Variants in OAS1 observed in about 807,000 individuals in gnomAD.
The protein encoded by OAS1 is 2'-5'-oligoadenylate synthase 1.
In OAS1, 24 loss-of-function variants were observed where a neutral mutation model predicts 38.5. That is an observed-to-expected ratio of 0.62 (90% CI 0.45 to 0.88). The LOEUF (loss-of-function observed/expected upper bound fraction) is 0.88. Ranked by LOEUF, OAS1 falls within the 40% of genes least tolerant of loss-of-function variation. The pLI is 0.00. For synonymous variants in OAS1, 169 were observed against 193.9 expected, an observed-to-expected ratio of 0.87 and a Z score of 1.07; for missense variants, 482 against 493.9, an observed-to-expected ratio of 0.98 and a Z score of 0.23.
chr12:112,919,829 A>G lies in OAS1; in HGVS notation c.*276A>G. Reference sequence around the variant, plus strand: ...ATAAGAGAATGAAATTCCAGCCTTGACTTTCTTCTGTGCACCTGATGGGAG... The same window carrying G: ...ATAAGAGAATGAAATTCCAGCCTTGGCTTTCTTCTGTGCACCTGATGGGAG... On this transcript the variant is annotated 3_prime_UTR_variant, in exon 6 of 6. Transcript: ENST00000202917. The G allele has an allele frequency of 1.6e-6, 2 of 1,244,454 alleles. No homozygotes were observed. The allele number at this position is 1,244,454 out of a possible 1,614,324, so 77.1% of individuals were successfully genotyped here.
chr12:112,919,278 C>G, intron 5 of OAS1, 111 bp from the exon 6 acceptor site: 1 of 1,025,092 alleles, frequency 9.8e-7, no homozygotes, highest in South Asian at 1.5e-5. Context: ...GTTAGTCCTT[C>G]CTCAAAGGGG....
chr12:112,924,013 G>A (rs1460705346), downstream of OAS1, among the ~76,000 whole-genome samples: 1 of 152,166 alleles, frequency 6.6e-6, no homozygotes, highest in African/African-American at 2.4e-5. Flanking sequence ...GTGATTTCAG[G>A]GATGTGACAC....
chr12:112,927,518 T>A (rs1484858074), intron 6 of OAS1, among the ~76,000 whole-genome samples: 1 of 152,208 alleles, frequency 6.6e-6, no homozygotes, highest in Admixed American at 6.5e-5. Context: ...AGACTTCTAT[T>A]CACCATCTTT....
chr12:112,928,064 G>A (rs995587661), intron 6 of OAS1, among the ~76,000 whole-genome samples: 1 of 152,172 alleles, frequency 6.6e-6, no homozygotes, highest in African/African-American at 2.4e-5. Flanking sequence ...ATAAAGTGAC[G>A]TATTAAGCCT....
intron 4 of OAS1, among the ~76,000 whole-genome samples, chr12:112,917,185 A>G (rs2043472742): frequency 6.6e-6 from 1 of 152,206 alleles, no homozygotes; most frequent in Non-Finnish European, 1.5e-5. Flanking sequence ...CATTTCATAT[A>G]ACTGGGCTTT....
In OAS1 at chr12:112,908,676, A is replaced by G. The variant is rs757951086; in HGVS notation, c.321A>G (p.Glu107=). ...TCCAGGAAATTAGGAGACAGCTGGA[A>G]GCCTGTCAAAGAGAGAGAGCATTTT... ...EFIQEIRRQL[E]ACQRERAFSV... The change falls in exon 2 of 6, where the codon GAA becomes GAG. Residue 107 remains glutamate, a synonymous_variant. Coordinates refer to ENST00000202917, the MANE Select transcript of OAS1 (RefSeq NM_016816.4). 1.2e-5 allele frequency: 20 copies of G among 1,614,124 alleles called. 1 individual carries two copies. In the South Asian group the frequency reaches 2.2e-4, roughly 18 times the overall value.
downstream of OAS1, among the ~76,000 whole-genome samples, chr12:112,924,797 GA>G (rs527392783): frequency 9.6e-3 from 1,428 of 148,866 alleles, 25 homozygotes; most frequent in South Asian, 0.03. Flanking sequence ...TTCTTGCACA[GA>G]AAAAAAAAAC....
At chr12:112,917,438 C>CTGAG in intron 4 of OAS1, 109 bp from the exon 5 acceptor site, 1 of 1,452,084 alleles carries the variant, frequency 6.9e-7, no homozygotes, top group East Asian at 2.3e-5. Flanking sequence ...TCCTCATGTT[C>CTGAG]TGAGTCCCAG....
At chr12:112,927,308 C>T (rs1308080715) in intron 6 of OAS1, among the ~76,000 whole-genome samples, 2 of 152,194 alleles carry the variant, frequency 1.3e-5, no homozygotes, top group Non-Finnish European at 2.9e-5. Context: ...GTCATGGCTT[C>T]AGTAGGTCCC....
At chr12:112,917,833 G>T in intron 5 of OAS1, 133 bp downstream of exon 5, 2 of 1,589,912 alleles carry the variant, frequency 1.3e-6, no homozygotes, top group Non-Finnish European at 1.7e-6. Context: ...ATAGTGACAG[G>T]CTGTGCTCCA....
intron 6 of OAS1, among the ~76,000 whole-genome samples, chr12:112,929,787 G>A (rs1007672366): frequency 1.3e-5 from 2 of 152,160 alleles, no homozygotes; most frequent in African/African-American, 4.8e-5. Context: ...GCAAGGGGGA[G>A]ATAAGCAAGA....
chr12:112,917,936 T>A, intron 5 of OAS1: 2 of 1,431,374 alleles, frequency 1.4e-6, no homozygotes. Context: ...TAATAAATAA[T>A]CTCTAACACC....
intron 3 of OAS1, among the ~76,000 whole-genome samples, chr12:112,914,562 G>A (rs1479269407): frequency 6.6e-6 from 1 of 152,042 alleles, no homozygotes; most frequent in East Asian, 1.9e-4. Flanking sequence ...CCCACCAATG[G>A]TGTAAAAGTG....
At chr12:112,920,140 T>C (rs986104722), downstream of OAS1, among the ~76,000 whole-genome samples, 12 of 152,354 alleles carry the variant, frequency 7.9e-5, 1 homozygote, top group South Asian at 1.5e-3. Context: ...AAAAAATCCC[T>C]GTCCTCATGG....
At chr12:112,921,325 C>T (rs1272917135), downstream of OAS1, among the ~76,000 whole-genome samples, 1 of 152,182 alleles carries the variant, frequency 6.6e-6, no homozygotes, top group East Asian at 1.9e-4. Context: ...GTGGACATCC[C>T]AATGTAATGG....
At chr12:112,909,576 A>T (rs2043347740) in intron 2 of OAS1, among the ~76,000 whole-genome samples, 1 of 152,216 alleles carries the variant, frequency 6.6e-6, no homozygotes, top group South Asian at 2.1e-4. Flanking sequence ...CTGAACGATC[A>T]CATGAGGCCA....
At chr12:112,908,087 C>T (rs1385857894) in intron 1 of OAS1, among the ~76,000 whole-genome samples, 5 of 152,206 alleles carry the variant, frequency 3.3e-5, no homozygotes, top group African/African-American at 4.8e-5. Flanking sequence ...TCAGGCAGGC[C>T]GCTCCTCCAG....
chr12:112,918,011 T>A, intron 5 of OAS1: 1 of 1,096,064 alleles, frequency 9.1e-7, no homozygotes, highest in Non-Finnish European at 1.2e-6. Context: ...ACTCTCTCAT[T>A]AAATAGTCAC....
chr12:112,923,691 T>G (rs973492508), downstream of OAS1, among the ~76,000 whole-genome samples: 1 of 152,246 alleles, frequency 6.6e-6, no homozygotes, highest in Non-Finnish European at 1.5e-5. Flanking sequence ...TTGTTTCCTT[T>G]GCTATGCAGA....
Sources: allele counts gnomAD v4.1 joint callset (sites outside exome capture counted in the v4.1 genomes callset), GRCh38; gene constraint gnomAD v4.1.1; transcripts MANE v1.5; gene names NCBI Gene and HGNC (gene_info 2026-07-23, HGNC 2026-07-21).